Variants in LOC128092252 observed in about 807,000 individuals in gnomAD.
chr15:50,669,446 G>GA, the LOC128092252 span, among the ~76,000 whole-genome samples: 73 of 148,640 alleles, frequency 4.9e-4, no homozygotes, highest in South Asian at 8.3e-3. Context: ...AAAAGAAAAG[G>GA]AAAAAAAAAA....
the LOC128092252 span, among the ~76,000 whole-genome samples, chr15:50,667,805 G>A: frequency 6.6e-6 from 1 of 152,202 alleles, no homozygotes; most frequent in Non-Finnish European, 1.5e-5. Context: ...TATCAATAAT[G>A]CACTAGTCCA....
At chr15:50,670,043 T>C in the LOC128092252 span, among the ~76,000 whole-genome samples, 1 of 152,222 alleles carries the variant, frequency 6.6e-6, no homozygotes, top group Admixed American at 6.5e-5. Flanking sequence ...TCAGATATCA[T>C]GTTTTGTCAG....
At chr15:50,678,238 T>TAAA in the LOC128092252 span, among the ~76,000 whole-genome samples, 1 of 70,562 alleles carries the variant, frequency 1.4e-5, no homozygotes, top group African/African-American at 4.6e-5. Flanking sequence ...AGACTCTCTC[T>TAAA]CAAAAAAAAA....
At chr15:50,658,058 C>T in the LOC128092252 span, among the ~76,000 whole-genome samples, 1 of 146,432 alleles carries the variant, frequency 6.8e-6, no homozygotes, top group Non-Finnish European at 1.5e-5. Flanking sequence ...AGGCTGGAGT[C>T]CAATGGCGCA....
the LOC128092252 span, chr15:50,662,938 G>A: frequency 6.7e-7 from 1 of 1,498,502 alleles, no homozygotes; most frequent in Non-Finnish European, 9.2e-7. Flanking sequence ...ATTTCTAGAA[G>A]ACCCCAGAAG....
the LOC128092252 span, among the ~76,000 whole-genome samples, chr15:50,672,886 G>A: frequency 2.9e-5 from 3 of 104,556 alleles, no homozygotes; most frequent in Non-Finnish European, 5.2e-5. Context: ...GTGACAGAGT[G>A]AGACTCTGTC....
chr15:50,649,756 T>A, the LOC128092252 span, among the ~76,000 whole-genome samples: 1 of 152,174 alleles, frequency 6.6e-6, no homozygotes, highest in South Asian at 2.1e-4. Flanking sequence ...GGCAGTCTCA[T>A]TGATTTGATA....
At chr15:50,685,903 C>A in the LOC128092252 span, among the ~76,000 whole-genome samples, 1 of 152,112 alleles carries the variant, frequency 6.6e-6, no homozygotes. Context: ...ACAGAAGCCT[C>A]CCCCCACCCA....
the LOC128092252 span, among the ~76,000 whole-genome samples, chr15:50,682,134 C>T: frequency 1.5e-5 from 2 of 131,388 alleles, no homozygotes; most frequent in Non-Finnish European, 3.1e-5. Context: ...GCCGACATCG[C>T]GCCACCGCAA....
At chr15:50,657,923 A>G in the LOC128092252 span, 2 of 796,496 alleles carry the variant, frequency 2.5e-6, no homozygotes, top group South Asian at 1.9e-5. Flanking sequence ...TTATATACCT[A>G]GTTTAATTTT....
chr15:50,665,153 G>A, the LOC128092252 span, among the ~76,000 whole-genome samples: 9 of 151,850 alleles, frequency 5.9e-5, no homozygotes, highest in Non-Finnish European at 1.0e-4. Flanking sequence ...CCTGCAATCC[G>A]AGTACTTTAG....
chr15:50,670,058 C>CT, the LOC128092252 span, among the ~76,000 whole-genome samples: 1 of 152,124 alleles, frequency 6.6e-6, no homozygotes, highest in Non-Finnish European at 1.5e-5. Flanking sequence ...TGTCAGAACT[C>CT]TGAGTTATGG....
the LOC128092252 span, among the ~76,000 whole-genome samples, chr15:50,682,899 C>CT: frequency 0.14 from 20,446 of 143,218 alleles, 1,459 homozygotes; most frequent in Middle Eastern, 0.19. Context: ...CGGTACCAAA[C>CT]TTTTTTTTTT....
chr15:50,682,173 C>CAAAAAAAAAAAAAAAAAAAAAAAAAAA, the LOC128092252 span, among the ~76,000 whole-genome samples: 2 of 63,684 alleles, frequency 3.1e-5, no homozygotes, highest in African/African-American at 6.7e-5. Flanking sequence ...AACTCAGTCT[C>CAAAAAAAAAAAAAAAAAAAAAAAAAAA]AAAAAAAAAA....
the LOC128092252 span, among the ~76,000 whole-genome samples, chr15:50,677,280 T>A: frequency 1.3e-5 from 2 of 152,052 alleles, no homozygotes; most frequent in African/African-American, 4.8e-5. Context: ...CCCACCCTCA[T>A]GACCTCATCT....
chr15:50,651,553 T>C, the LOC128092252 span, among the ~76,000 whole-genome samples: 1 of 152,134 alleles, frequency 6.6e-6, no homozygotes, highest in African/African-American at 2.4e-5. Context: ...TCCCAGCACT[T>C]TGGGAGGCCG....
At chr15:50,662,945 G>T in the LOC128092252 span, 1 of 1,565,118 alleles carries the variant, frequency 6.4e-7, no homozygotes, top group Non-Finnish European at 8.8e-7. Flanking sequence ...GAAGACCCCA[G>T]AAGTAACAAA....
the LOC128092252 span, among the ~76,000 whole-genome samples, chr15:50,677,440 G>T: frequency 0.022 from 3,309 of 151,872 alleles, 117 homozygotes; most frequent in African/African-American, 0.077. Context: ...CAGAGCACAG[G>T]ATTAAAAGAG....
the LOC128092252 span, among the ~76,000 whole-genome samples, chr15:50,658,269 T>C: frequency 1.3e-5 from 2 of 152,042 alleles, no homozygotes. Flanking sequence ...CCTCCCAAAG[T>C]GCTAGGATTA....
Sources: allele counts gnomAD v4.1 joint callset (sites outside exome capture counted in the v4.1 genomes callset), GRCh38; gene constraint gnomAD v4.1.1; transcripts MANE v1.5.